PIP5K1B: variants seen among roughly 807,000 people sequenced by gnomAD.
The protein encoded by PIP5K1B is phosphatidylinositol-4-phosphate 5-kinase type 1 beta.
PIP5K1B carries 42 observed loss-of-function variants against 67.0 expected under a neutral mutation model. The observed-to-expected ratio is 0.63, with a 90% CI of 0.49 to 0.81. The LOEUF is 0.81. Ranked by LOEUF, PIP5K1B falls within the 30% of genes least tolerant of loss-of-function variation. The pLI is 0.00. For missense variants in PIP5K1B, 459 were observed against 646.3 expected (o/e 0.71, Z 3.14); for synonymous variants, 214 against 231.4 (o/e 0.92, Z 0.68).
chr9:68,911,390 A>G (rs1296969483), intron 8 of PIP5K1B, among the ~76,000 whole-genome samples: 1 of 151,912 alleles, frequency 6.6e-6, no homozygotes, highest in Non-Finnish European at 1.5e-5. Context: ...AAAAAAAAAA[A>G]AAAAGAATGG....
intron 2 of PIP5K1B, chr9:68,788,883 TA>T (rs1831792546): frequency 1.1e-5 from 3 of 262,886 alleles, no homozygotes; most frequent in Non-Finnish European, 2.3e-5. Flanking sequence ...ACTGACAGGA[TA>T]AGAGAGCAGG....
chr9:68,976,319 G>A (rs116281017), intron 14 of PIP5K1B, among the ~76,000 whole-genome samples: 2,222 of 152,212 alleles, frequency 0.015, 53 homozygotes, highest in African/African-American at 0.051. Flanking sequence ...TCAAACTTTA[G>A]TTAGAGAAGA....
chr9:68,731,534 G>C (rs1187740920), intron 1 of PIP5K1B, among the ~76,000 whole-genome samples: 1 of 152,218 alleles, frequency 6.6e-6, no homozygotes, highest in Non-Finnish European at 1.5e-5. Flanking sequence ...AGGGGCTAAC[G>C]TTTTAGACTG....
chr9:68,754,849 G>C (rs952571306), intron 2 of PIP5K1B, among the ~76,000 whole-genome samples: 1 of 152,048 alleles, frequency 6.6e-6, no homozygotes, highest in Admixed American at 6.6e-5. Flanking sequence ...TAAATGATTT[G>C]TGATTCTTGT....
chr9:68,943,376 A>G (rs1313487104), intron 14 of PIP5K1B, among the ~76,000 whole-genome samples: 2 of 152,254 alleles, frequency 1.3e-5, no homozygotes, highest in East Asian at 3.9e-4. Context: ...GAAAAGAGGC[A>G]TGAAGGTGCT....
At chr9:68,856,320 C>A (rs1419166152) in intron 4 of PIP5K1B, among the ~76,000 whole-genome samples, 1 of 152,198 alleles carries the variant, frequency 6.6e-6, no homozygotes, top group Non-Finnish European at 1.5e-5. Flanking sequence ...CCTCACCACA[C>A]ATAGTAATCC....
intron 7 of PIP5K1B, among the ~76,000 whole-genome samples, chr9:68,893,390 G>A (rs1422776507): frequency 7.2e-6 from 1 of 138,010 alleles, no homozygotes; most frequent in Non-Finnish European, 1.5e-5. Context: ...CTGGAGTGCA[G>A]TGGCATGATC....
chr9:68,721,276 C>A (rs1827869273), intron 1 of PIP5K1B, among the ~76,000 whole-genome samples: 1 of 152,076 alleles, frequency 6.6e-6, no homozygotes, highest in South Asian at 2.1e-4. Flanking sequence ...GGGTAAGAGA[C>A]TGGAGATAGG....
chr9:68,981,282 A>C (rs1327328313), intron 14 of PIP5K1B, among the ~76,000 whole-genome samples: 1 of 152,212 alleles, frequency 6.6e-6, no homozygotes, highest in Non-Finnish European at 1.5e-5. Flanking sequence ...TTACAAAATA[A>C]AATATAAATA....
chr9:68,797,742 C>G (rs1024439705), intron 2 of PIP5K1B, among the ~76,000 whole-genome samples: 1 of 152,184 alleles, frequency 6.6e-6, no homozygotes, highest in Non-Finnish European at 1.5e-5. Flanking sequence ...ATATATAGTT[C>G]AAATTATCTG....
At chr9:68,857,866 C>T (rs7043727) in intron 4 of PIP5K1B, among the ~76,000 whole-genome samples, 123,994 of 152,012 alleles carry the variant, frequency 0.82, 51,956 homozygotes, top group Non-Finnish European at 0.91. Flanking sequence ...GGGTGGTTAC[C>T]GAAGAGGAAT....
chr9:68,797,936 G>A (rs879912531), intron 2 of PIP5K1B, among the ~76,000 whole-genome samples: 5 of 152,174 alleles, frequency 3.3e-5, no homozygotes, highest in Admixed American at 1.3e-4. Flanking sequence ...AGACTAAATA[G>A]ATACGCTGTA....
chr9:68,859,028 G>A (rs1460389549), intron 4 of PIP5K1B, among the ~76,000 whole-genome samples: 1 of 152,186 alleles, frequency 6.6e-6, no homozygotes, highest in East Asian at 1.9e-4. Context: ...GAAAACTCCG[G>A]TAAGTAAAGC....
At chr9:68,777,229 C>A (rs191075311) in intron 2 of PIP5K1B, among the ~76,000 whole-genome samples, 3 of 152,308 alleles carry the variant, frequency 2.0e-5, no homozygotes, top group Admixed American at 1.3e-4. Context: ...TCCATCCTTT[C>A]ATTCATTATC....
chr9:68,836,511 CTTTGGAA>C, intron 4 of PIP5K1B, among the ~76,000 whole-genome samples: 1 of 152,242 alleles, frequency 6.6e-6, no homozygotes, highest in Non-Finnish European at 1.5e-5. Context: ...TTTCCATTTC[CTTTGGAA>C]TTTGGGGTAT....
intron 1 of PIP5K1B, among the ~76,000 whole-genome samples, chr9:68,741,867 A>T (rs957731332): frequency 6.6e-6 from 1 of 151,974 alleles, no homozygotes; most frequent in African/African-American, 2.4e-5. Flanking sequence ...TACTAATTGG[A>T]AGATTTGGGT....
At chr9:68,715,106 G>A (rs1423287930) in intron 1 of PIP5K1B, among the ~76,000 whole-genome samples, 1 of 152,230 alleles carries the variant, frequency 6.6e-6, no homozygotes, top group African/African-American at 2.4e-5. Flanking sequence ...GGCCTGGGTT[G>A]CTTTGCATAA....
intron 14 of PIP5K1B, among the ~76,000 whole-genome samples, chr9:68,971,980 C>G (rs1389567726): frequency 1.3e-5 from 2 of 152,160 alleles, no homozygotes; most frequent in Admixed American, 6.5e-5. Flanking sequence ...TGCAGGAGCT[C>G]TTTAGTTTAA....
At chr9:68,717,650 G>A (rs971118408) in intron 1 of PIP5K1B, among the ~76,000 whole-genome samples, 23 of 152,010 alleles carry the variant, frequency 1.5e-4, no homozygotes, top group African/African-American at 4.6e-4. Flanking sequence ...ATAAGAGCCC[G>A]AATCCCACCC....
Sources: gnomAD v4.1 joint callset for allele counts (sites outside exome capture counted in the v4.1 genomes callset) on GRCh38, gnomAD v4.1.1 for gene constraint, MANE v1.5 for transcripts, NCBI Gene and HGNC (gene_info 2026-07-23, HGNC 2026-07-21) for gene names.